IGSF21: variants seen among roughly 807,000 people sequenced by gnomAD.
IGSF21 encodes immunoglobulin superfamily member 21.
IGSF21 carries 28 observed loss-of-function variants against 46.8 expected under a neutral mutation model. That is an observed-to-expected ratio of 0.60 (90% CI 0.44 to 0.82). IGSF21 has a LOEUF of 0.82. Ranked by LOEUF, IGSF21 falls within the 40% of genes least tolerant of loss-of-function variation. The pLI, the probability that IGSF21 is intolerant of heterozygous loss-of-function variation, is 0.00. For missense variants in IGSF21, 624 were observed against 665.5 expected (o/e 0.94, Z 0.69); for synonymous variants, 284 against 273.6 (o/e 1.04, Z -0.38).
At chr1:18,238,329 AACC>A (rs2084692251) in intron 2 of IGSF21, among the ~76,000 whole-genome samples, 1 of 152,164 alleles carries the variant, frequency 6.6e-6, no homozygotes, top group Non-Finnish European at 1.5e-5. Flanking sequence ...TGAGGCAGTC[AACC>A]TTAGGCAGGA....
chr1:18,187,943 A>G lies in IGSF21; in HGVS notation c.71-39955A>G, dbSNP rs569888568. Among the ~76,000 whole-genome samples, 11 of 152,350 alleles carry G rather than the reference A, an allele frequency of 7.2e-5. No homozygotes were observed. The South Asian group carries it at 8.3e-4, about 11-fold the overall frequency. ...TGGATAAATGAATGAATGAATGAAC[A>G]AACAAGTGAATACATGAAAAAAATT... On this transcript the variant is annotated intron_variant, in intron 1 of 9. Transcript: ENST00000251296.
rs2085255181 is a variant in IGSF21 at position 18,290,473 on chromosome 1, C to T, written c.184-1393C>T. 6.6e-6 allele frequency among the ~76,000 whole-genome samples: 1 copy of T among 152,208 alleles called. No homozygotes were observed. The highest frequency in any genetic ancestry group is 1.5e-5 in the Non-Finnish European group (1 of 68,038). On this transcript the variant is annotated intron_variant, in intron 2 of 9. Transcript: ENST00000251296. This position sits in a 1 kb window ranked among gnomAD's most constrained non-coding sequence, Gnocchi z 4.2. ...TGCGAAGGCCTTCTCATGATTCTAA[C>T]CATCCCCCGTCCTCACAGAGGCCAC...
chr1:18,121,775 A>G (rs1413211831), intron 1 of IGSF21, among the ~76,000 whole-genome samples: 2 of 152,038 alleles, frequency 1.3e-5, no homozygotes, highest in Admixed American at 6.6e-5. Flanking sequence ...CCTTAGGGGG[A>G]AAAATTTCAC....
At chr1:18,205,149 GAGAGAGAGAGAA>G (rs2084303400) in intron 1 of IGSF21, among the ~76,000 whole-genome samples, 1 of 104,894 alleles carries the variant, frequency 9.5e-6, no homozygotes, top group Non-Finnish European at 2.3e-5. Context: ...GGGAGAGAGA[GAGAGAGAGAGAA>G]AGAGAGAGGG....
At chr1:18,224,326 G>A (rs780724825) in intron 1 of IGSF21, among the ~76,000 whole-genome samples, 1 of 152,062 alleles carries the variant, frequency 6.6e-6, no homozygotes, top group Non-Finnish European at 1.5e-5. Flanking sequence ...GGGCCTTTGC[G>A]CTTGACATGT....
intron 2 of IGSF21, among the ~76,000 whole-genome samples, chr1:18,288,998 T>G (rs1198406468): frequency 6.6e-6 from 1 of 152,212 alleles, no homozygotes; most frequent in Non-Finnish European, 1.5e-5. Context: ...AAACAGAGAT[T>G]TACGACTCGG....
chr1:18,119,577 G>T (rs903172227), intron 1 of IGSF21, among the ~76,000 whole-genome samples: 1 of 152,212 alleles, frequency 6.6e-6, no homozygotes, highest in Non-Finnish European at 1.5e-5. Flanking sequence ...ATAGCAAGGG[G>T]GTGGCTTTCT....
chr1:18,378,204 G>C (rs1481005802), intron 9 of IGSF21, 52 bp from the exon 10 acceptor site: 1 of 1,483,626 alleles, frequency 6.7e-7, no homozygotes, highest in Non-Finnish European at 9.4e-7. Context: ...CTGCTGTTCT[G>C]GAACGGGGTT....
Position 18,335,076 on chromosome 1 carries a change from T to C in IGSF21, c.424+66T>C. The C allele has an allele frequency of 7.9e-7, 1 of 1,272,430 alleles. No individual in the cohort carries two copies. The highest frequency in any genetic ancestry group is 1.1e-6 in the Non-Finnish European group (1 of 871,132). 78.8% of individuals were successfully genotyped at this position (1,272,430 alleles called of 1,614,324 possible). ...GGACGAGTATGCTTGAGTGTGTGAA[T>C]GTGCGCACAGAGTGGCCATCCTGGG... On this transcript the variant is annotated intron_variant, in intron 4 of 9. Transcript: ENST00000251296. The surrounding 1 kb of genome is among the most constrained non-coding windows in gnomAD (Gnocchi z 4.8).
intron 1 of IGSF21, among the ~76,000 whole-genome samples, chr1:18,182,227 A>AGT (rs1397277754): frequency 7.9e-6 from 1 of 127,238 alleles, no homozygotes; most frequent in Non-Finnish European, 1.6e-5. Flanking sequence ...CACAGGCTGG[A>AGT]GTGCAGTGGC....
At chr1:18,313,229 G>A (rs1422979898) in intron 3 of IGSF21, among the ~76,000 whole-genome samples, 2 of 152,178 alleles carry the variant, frequency 1.3e-5, no homozygotes, top group Non-Finnish European at 2.9e-5. Flanking sequence ...AAATGAGAGA[G>A]GCTTGCCCTT....
chr1:18,362,722 G>A lies in IGSF21; in HGVS notation c.540+492G>A, dbSNP rs567982930. 5.5e-4 allele frequency among the ~76,000 whole-genome samples: 84 copies of A among 152,284 alleles called. 1 individual carries two copies. Among genetic ancestry groups the A allele is most frequent in the Admixed American group, 2.0e-4 (3 of 15,300 alleles). On this transcript the variant is annotated intron_variant, in intron 5 of 9. Coordinates refer to ENST00000251296, the MANE Select transcript of IGSF21 (RefSeq NM_032880.5). ...GAAAGGAGGGACAGGATGGAAGGGC[G>A]AGAAGGAAGGGAGAAAGGGAGGGAA...
intron 3 of IGSF21, among the ~76,000 whole-genome samples, chr1:18,302,893 C>A (rs1420059014): frequency 6.6e-6 from 1 of 152,202 alleles, no homozygotes; most frequent in African/African-American, 2.4e-5. Flanking sequence ...TACCTTCCCC[C>A]ACTCTCTATT....
chr1:18,213,276 A>G (rs1424823871), intron 1 of IGSF21, among the ~76,000 whole-genome samples: 2 of 152,134 alleles, frequency 1.3e-5, no homozygotes, highest in African/African-American at 2.4e-5. Context: ...TATGCAATGC[A>G]TTAGTGGAAT....
At chr1:18,112,347 T>A (rs777316005) in intron 1 of IGSF21, 1 of 152,156 alleles carries the variant, frequency 6.6e-6, no homozygotes, top group African/African-American at 2.4e-5. Context: ...CCTGCCTCTA[T>A]GGTGTTTAAG....
intron 1 of IGSF21, among the ~76,000 whole-genome samples, chr1:18,123,570 G>A (rs1232914511): frequency 6.6e-6 from 1 of 152,212 alleles, no homozygotes; most frequent in African/African-American, 2.4e-5. Context: ...AAGTCCTAGG[G>A]AGAGTGCAGA....
At chr1:18,255,404 C>T (rs1227583070) in intron 2 of IGSF21, among the ~76,000 whole-genome samples, 1 of 152,148 alleles carries the variant, frequency 6.6e-6, no homozygotes, top group Non-Finnish European at 1.5e-5. Context: ...TGTTGCAATG[C>T]TGTGATTGGG....
chr1:18,351,989 G>A (rs2085962129), intron 4 of IGSF21, among the ~76,000 whole-genome samples: 1 of 152,314 alleles, frequency 6.6e-6, no homozygotes, highest in South Asian at 2.1e-4. Flanking sequence ...GGCCTAGGGG[G>A]CCAATCAGAA....
At chr1:18,278,437 C>T (rs913304773) in intron 2 of IGSF21, among the ~76,000 whole-genome samples, 1 of 151,930 alleles carries the variant, frequency 6.6e-6, no homozygotes, top group Non-Finnish European at 1.5e-5. Context: ...GATGGGGTTT[C>T]ACCATGTTAA....
Sources: gnomAD v4.1 joint callset for allele counts (sites outside exome capture counted in the v4.1 genomes callset) on GRCh38, gnomAD v4.1.1 for gene constraint, Gnocchi (gnomAD v3.1) non-coding constraint, MANE v1.5 for transcripts, NCBI Gene and HGNC (gene_info 2026-07-23, HGNC 2026-07-21) for gene names.